Variants in TMPRSS6 observed in about 807,000 individuals in gnomAD.
TMPRSS6 encodes transmembrane protease serine 6.
In TMPRSS6, 67 loss-of-function variants were observed where a neutral mutation model predicts 101.5. The ratio of observed to expected loss-of-function variants is 0.66; its 90% CI spans 0.54 to 0.81. The LOEUF (loss-of-function observed/expected upper bound fraction) is 0.81. Ranked by LOEUF, TMPRSS6 falls within the 30% of genes least tolerant of loss-of-function variation. The pLI is 0.00. For synonymous variants in TMPRSS6, 453 were observed against 464.9 expected (o/e 0.97, Z 0.33); for missense variants, 1,034 against 1,088.7 (o/e 0.95, Z 0.71).
chr22:37,081,761 G>A (rs1423358721), intron 10 of TMPRSS6, among the ~76,000 whole-genome samples: 1 of 152,180 alleles, frequency 6.6e-6, no homozygotes. Flanking sequence ...GAAAAGACAG[G>A]GACAAGAGGC....
At chr22:37,084,433 G>A in intron 9 of TMPRSS6, 29 bp from the exon 10 acceptor site, 1 of 1,568,232 alleles carries the variant, frequency 6.4e-7, no homozygotes, top group Non-Finnish European at 8.7e-7. Flanking sequence ...CCATCAGGTG[G>A]CCCATGGGGT....
At position 37,065,726 on chromosome 22, in the gene TMPRSS6, G is replaced by A; in HGVS notation, c.*354C>T. 1 of 352,360 alleles carries A rather than the reference G, an allele frequency of 2.8e-6. No individual in the cohort carries two copies. The highest frequency in any genetic ancestry group is 2.1e-5 in the African/African-American group (1 of 47,938). 21.8% of individuals were successfully genotyped at this position (352,360 alleles called of 1,614,324 possible). ...GCCCAAACAGCCTCTGTACAGAGTG[G>A]GGCGCACCTCAGACACTCCTCGGGA... On this transcript the variant is annotated 3_prime_UTR_variant, in exon 18 of 18. Coordinates refer to ENST00000676104, the MANE Select transcript of TMPRSS6 (RefSeq NM_001374504.1).
In TMPRSS6 at chr22:37,084,802, G is replaced by A. The variant is rs1316123127; in HGVS notation, c.1011C>T (p.Asp337=). Residue 337 remains aspartate (D), a synonymous_variant, in exon 9 of 18, where the codon GAC becomes GAT. Transcript: ENST00000676104. ...ACGGGGTGCTGAGGACGCCCTGGGA[G>A]TCGAGCCTGTTGTCCAGCGTCAGGT... ...EVNLTLDNRL[D]SQGVLSTPYF... 1.3e-6 allele frequency: 2 copies of A among 1,561,304 alleles called. No individual in the cohort carries two copies. Among genetic ancestry groups the A allele is most frequent in the South Asian group, 1.2e-5 (1 of 84,708 alleles).
At chr22:37,094,543 T>TGATAGATAGATA (rs6147615) in intron 6 of TMPRSS6, among the ~76,000 whole-genome samples, 8,838 of 150,802 alleles carry the variant, frequency 0.059, 282 homozygotes, top group South Asian at 0.088. Flanking sequence ...TCAACAGAGA[T>TGATAGATAGATA]GATAGATAGA....
chr22:37,091,836 C>T (rs1929290532), intron 6 of TMPRSS6, among the ~76,000 whole-genome samples: 1 of 152,122 alleles, frequency 6.6e-6, no homozygotes, highest in Non-Finnish European at 1.5e-5. Flanking sequence ...TGCTGAGGAC[C>T]AGGAAGGGAA....
Position 37,103,803 on chromosome 22 carries a change from C to T in TMPRSS6, c.-1-385G>A. 1.7e-6 allele frequency: 1 copy of T among 590,170 alleles called. No individual in the cohort carries two copies. The highest frequency in any genetic ancestry group is 2.0e-5 in the South Asian group (1 of 50,924). 36.6% of individuals were successfully genotyped at this position (590,170 alleles called of 1,614,324 possible). A position where few individuals can be genotyped will look rare whatever the true frequency, so the allele number is the denominator to read the frequency against. ...CTTCTGTAGACATCTGACCTCTTGCCCTCATTTCCCGTCCACGCAAGGAAT... is the reference window on the plus strand; with the variant it reads ...CTTCTGTAGACATCTGACCTCTTGCTCTCATTTCCCGTCCACGCAAGGAAT... On this transcript the variant is annotated intron_variant, in intron 1 of 17. Coordinates refer to ENST00000676104, the MANE Select transcript of TMPRSS6 (RefSeq NM_001374504.1). The surrounding 1 kb of genome is among the most constrained non-coding windows in gnomAD (Gnocchi z 4.4).
intron 2 of TMPRSS6, among the ~76,000 whole-genome samples, chr22:37,098,932 C>T (rs543059440): frequency 6.6e-6 from 1 of 152,340 alleles, no homozygotes; most frequent in Non-Finnish European, 1.5e-5. Context: ...CTCGTGAGGT[C>T]ACCCAGGGAT....
chr22:37,103,389 GCCACC>G lies in TMPRSS6; in HGVS notation c.24_28del (p.Gln8HisfsTer9). 1.2e-6 allele frequency: 2 copies of G among 1,614,182 alleles called. No individual in the cohort carries two copies. Among genetic ancestry groups the G allele is most frequent in the Non-Finnish European group, 1.7e-6 (2 of 1,180,014 alleles). On this transcript the variant is annotated frameshift_variant, in exon 2 of 18. Coordinates refer to ENST00000676104, the MANE Select transcript of TMPRSS6 (RefSeq NM_001374504.1). LOFTEE classifies it high-confidence loss of function. The surrounding 1 kb of genome is among the most constrained non-coding windows in gnomAD (Gnocchi z 4.4). ...ATCACCTCCGTCCCCCTGCCCGCCA[GCCACC>G]TGGGGGGCCTCGGCCACGGGCATCC...
intron 16 of TMPRSS6, 40 bp from the exon 17 acceptor site, chr22:37,067,002 T>C: frequency 1.9e-6 from 3 of 1,613,576 alleles, no homozygotes; most frequent in Non-Finnish European, 2.5e-6. Flanking sequence ...CTCAGGAGCC[T>C]GGAGCCCCTG....
rs771177943 is a variant in TMPRSS6 at position 37,103,782 on chromosome 22, T to C, written c.-1-364A>G. ...CTGAAGTACATGGGGTGCAGACTTCTGTAGACATCTGACCTCTTGCCCTCA... is the reference window on the plus strand; with the variant it reads ...CTGAAGTACATGGGGTGCAGACTTCCGTAGACATCTGACCTCTTGCCCTCA... On this transcript the variant is annotated intron_variant, in intron 1 of 17. Coordinates refer to ENST00000676104, the MANE Select transcript of TMPRSS6 (RefSeq NM_001374504.1). The surrounding 1 kb of genome is among the most constrained non-coding windows in gnomAD (Gnocchi z 4.4). 41 of 609,078 alleles carry C rather than the reference T, an allele frequency of 6.7e-5. No homozygotes were observed. The Middle Eastern group carries it at 1.3e-3, about 19-fold the overall frequency. 37.7% of individuals were successfully genotyped at this position (609,078 alleles called of 1,614,324 possible).
At position 37,103,854 on chromosome 22, in the gene TMPRSS6, T is replaced by TCC. The variant is rs1174881421; in HGVS notation, c.-1-437_-1-436insGG. On this transcript the variant is annotated intron_variant, in intron 1 of 17. Transcript: ENST00000676104. This position sits in a 1 kb window ranked among gnomAD's most constrained non-coding sequence, Gnocchi z 4.4. Reference sequence around the variant, plus strand: ...GCTGTTTCTTGCTCCTGGTTCTGGTTCACGGAGCTTCCCACCACGCCCACA... The same window carrying TCC: ...GCTGTTTCTTGCTCCTGGTTCTGGTTCCCACGGAGCTTCCCACCACGCCCACA... 6.6e-6 allele frequency among the ~76,000 whole-genome samples: 1 copy of TCC among 152,100 alleles called. No homozygotes were observed. The highest frequency in any genetic ancestry group is 1.9e-4 in the East Asian group (1 of 5,188).
At chr22:37,074,333 C>G (rs1927415540) in intron 12 of TMPRSS6, among the ~76,000 whole-genome samples, 1 of 152,182 alleles carries the variant, frequency 6.6e-6, no homozygotes, top group South Asian at 2.1e-4. Flanking sequence ...GGAAGGCTGG[C>G]TGGGACAGGG....
At position 37,098,294 on chromosome 22, in the gene TMPRSS6, CA is replaced by C. The variant is rs568170956; in HGVS notation, c.336+121del. The C allele has an allele frequency of 1.7e-4, 251 of 1,444,310 alleles. 2 individuals carry two copies. In the African/African-American group the frequency reaches 3.2e-3, roughly 18 times the overall value. The allele number at this position is 1,444,310 out of a possible 1,614,324, so 89.5% of individuals were successfully genotyped here. The stretch of plus-strand genomic sequence containing the variant: ...TCATCTGCTTCCATGGTGCCTGGAG[CA>C]GGGCTGTGGTCCCTGTGAATGCTCC... On this transcript the variant is annotated intron_variant, in intron 3 of 17. Coordinates refer to ENST00000676104, the MANE Select transcript of TMPRSS6 (RefSeq NM_001374504.1).
intron 2 of TMPRSS6, among the ~76,000 whole-genome samples, chr22:37,099,308 T>G (rs557646457): frequency 6.6e-6 from 1 of 152,336 alleles, no homozygotes; most frequent in South Asian, 2.1e-4. Context: ...AAAGCCTGTT[T>G]GGCTGGAGCA....
rs529677611 is a variant in TMPRSS6, at chr22:37,068,988, A to G, written c.2113+85T>C. The G allele has an allele frequency of 4.7e-5, 71 of 1,505,056 alleles. No homozygotes were observed. In the East Asian group the frequency reaches 1.6e-3, roughly 33 times the overall value. The allele number at this position is 1,505,056 out of a possible 1,614,324, so 93.2% of individuals were successfully genotyped here. A position where few individuals can be genotyped will look rare whatever the true frequency, so the allele number is the denominator to read the frequency against. On this transcript the variant is annotated intron_variant, in intron 16 of 17. Coordinates refer to ENST00000676104, the MANE Select transcript of TMPRSS6 (RefSeq NM_001374504.1). ...TATGGGGTGGAGCCCCGGGACCCCC[A>G]GCCCCGCCCTTCTCCAGGCCAGGTG...
chr22:37,075,303 C>T, intron 10 of TMPRSS6, 23 bp from the exon 11 acceptor site: 1 of 1,612,736 alleles, frequency 6.2e-7, no homozygotes, highest in Non-Finnish European at 8.5e-7. Context: ...AGAGACGACT[C>T]AGGGCTGCAC....
In TMPRSS6 at chr22:37,074,579, G is replaced by C; in HGVS notation, c.1441+31C>G. 2.5e-6 allele frequency: 4 copies of C among 1,598,130 alleles called. No individual in the cohort carries two copies. The South Asian group carries it at 4.4e-5, about 18-fold the overall frequency. On this transcript the variant is annotated intron_variant, in intron 12 of 17. Coordinates refer to ENST00000676104, the MANE Select transcript of TMPRSS6 (RefSeq NM_001374504.1). The stretch of plus-strand genomic sequence containing the variant: ...TGAGGAAGGAGAAGGGATGGGCAGG[G>C]AGAGGAGGGATGCGCGGGCGGGTTA...
chr22:37,089,495 GA>G, intron 7 of TMPRSS6, 82 bp downstream of exon 7: 1 of 1,360,260 alleles, frequency 7.4e-7, no homozygotes. Flanking sequence ...CCTTGTCTAA[GA>G]ATGCTGTGTG....
At position 37,103,780 on chromosome 22, in the gene TMPRSS6, T is replaced by C; in HGVS notation, c.-1-362A>G. ...AACTGAAGTACATGGGGTGCAGACT[T>C]CTGTAGACATCTGACCTCTTGCCCT... On this transcript the variant is annotated intron_variant, in intron 1 of 17. Coordinates refer to ENST00000676104, the MANE Select transcript of TMPRSS6 (RefSeq NM_001374504.1). The surrounding 1 kb of genome is among the most constrained non-coding windows in gnomAD (Gnocchi z 4.4). 1 of 609,350 alleles carries C rather than the reference T, an allele frequency of 1.6e-6. No homozygotes were observed. Among genetic ancestry groups the C allele is most frequent in the Non-Finnish European group, 2.9e-6 (1 of 340,712 alleles). 37.7% of individuals were successfully genotyped at this position (609,350 alleles called of 1,614,324 possible).
Sources: allele counts gnomAD v4.1 joint callset (sites outside exome capture counted in the v4.1 genomes callset), GRCh38; gene constraint gnomAD v4.1.1; non-coding constraint Gnocchi (gnomAD v3.1); transcripts MANE v1.5; gene names NCBI Gene and HGNC (gene_info 2026-07-23, HGNC 2026-07-21).